ABCA13: variants seen among roughly 807,000 people sequenced by gnomAD.
The protein encoded by ABCA13 is ATP binding cassette subfamily A member 13.
In ABCA13, 476 loss-of-function variants were observed where a neutral mutation model predicts 478.7. The observed-to-expected ratio is 0.99, with a 90% CI of 0.92 to 1.07. The LOEUF (loss-of-function observed/expected upper bound fraction) is 1.07, where lower values mean the gene tolerates loss of function less well. ABCA13 is among the 50% of genes least tolerant of loss of function. ABCA13 has a pLI of 0.00. For missense variants in ABCA13, 6,060 were observed against 5,910.6 expected (o/e 1.03, Z -0.83); for synonymous variants, 2,252 against 2,158.9 (o/e 1.04, Z -1.20).
At chr7:48,196,482 C>T (rs1797950381) in intron 2 of ABCA13, among the ~76,000 whole-genome samples, 1 of 152,156 alleles carries the variant, frequency 6.6e-6, no homozygotes, top group South Asian at 2.1e-4. Context: ...TGAGCCTCTT[C>T]TCTATAAAGA....
In ABCA13 at chr7:48,274,982, C is replaced by T; in HGVS notation, c.5316C>T (p.Val1772=). 1 of 1,613,820 alleles carries T rather than the reference C, an allele frequency of 6.2e-7. No homozygotes were observed. Among genetic ancestry groups the T allele is most frequent in the Non-Finnish European group, 8.5e-7 (1 of 1,179,768 alleles). The part of the protein sequence containing the change: ...GKNITEGLKD[V]YSFTLLHGIT... ...ACATCACTGAAGGCCTCAAGGATGT[C>T]TACAGCTTCACACTCCTTCATGGCA... is the stretch of plus-strand genomic sequence containing the variant. The change falls in exon 17 of 62, where the codon GTC becomes GTT. Residue 1772 remains valine, a synonymous_variant. Coordinates refer to ENST00000435803, the MANE Select transcript of ABCA13 (RefSeq NM_152701.5).
intron 43 of ABCA13, among the ~76,000 whole-genome samples, chr7:48,465,621 G>A (rs4917020): frequency 0.19 from 28,595 of 150,070 alleles, 3,218 homozygotes; most frequent in African/African-American, 0.31. Flanking sequence ...TGATACATGC[G>A]TACGATGTAT....
At position 48,471,727 on chromosome 7, in the gene ABCA13, C is replaced by G. The variant is rs1827523519; in HGVS notation, c.12975+128C>G. The G allele has an allele frequency of 9.3e-6, 8 of 859,374 alleles. No individual in the cohort carries two copies. In the South Asian group the frequency reaches 1.3e-4, roughly 14 times the overall value. 53.2% of individuals were successfully genotyped at this position (859,374 alleles called of 1,614,324 possible). A position where few individuals can be genotyped will look rare whatever the true frequency, so the allele number is the denominator to read the frequency against. Reference sequence around the variant, plus strand: ...ATAACTTTTTGGTTTCCTGGATTAGCTGTTTCTGGGAAAAGTTTTGTCACA... The same window carrying G: ...ATAACTTTTTGGTTTCCTGGATTAGGTGTTTCTGGGAAAAGTTTTGTCACA... On this transcript the variant is annotated intron_variant, in intron 45 of 61. Coordinates refer to ENST00000435803, the MANE Select transcript of ABCA13 (RefSeq NM_152701.5).
intron 51 of ABCA13, among the ~76,000 whole-genome samples, chr7:48,512,114 A>G (rs1382869440): frequency 6.6e-6 from 1 of 151,930 alleles, no homozygotes; most frequent in African/African-American, 2.4e-5. Flanking sequence ...GGAAAGAGAC[A>G]CTAAGAGAGA....
intron 15 of ABCA13, among the ~76,000 whole-genome samples, chr7:48,255,684 C>A (rs1044877505): frequency 6.6e-6 from 1 of 152,062 alleles, no homozygotes. Flanking sequence ...AGTATATGTA[C>A]CACCTTTTCT....
chr7:48,280,042 C>G (rs1430940052), intron 18 of ABCA13, 122 bp downstream of exon 18: 1 of 1,107,058 alleles, frequency 9.0e-7, no homozygotes. Flanking sequence ...TTTGTTTACA[C>G]TCTGAAGTTG....
In ABCA13 at chr7:48,480,974, T is replaced by C. The variant is rs1408892664; in HGVS notation, c.12976-62T>C. 2.9e-6 allele frequency: 3 copies of C among 1,034,948 alleles called. No individual in the cohort carries two copies. The African/African-American group carries it at 4.8e-5, about 17-fold the overall frequency. 64.1% of individuals were successfully genotyped at this position (1,034,948 alleles called of 1,614,324 possible). On this transcript the variant is annotated intron_variant, in intron 45 of 61. Coordinates refer to ENST00000435803, the MANE Select transcript of ABCA13 (RefSeq NM_152701.5). ...CAATCACATGTAGTTTCAAGTAATG[T>C]CAGTGAACCAGTTTGTGAATTATAA...
Position 48,248,326 on chromosome 7 carries a change from A to G in ABCA13, c.1747A>G (p.Met583Val). 6.2e-7 allele frequency: 1 copy of G among 1,613,910 alleles called. No homozygotes were observed. Among genetic ancestry groups the G allele is most frequent in the Non-Finnish European group, 8.5e-7 (1 of 1,179,802 alleles). ...EEYLDWQELE[M>V]QLSEASLSCT... The stretch of plus-strand genomic sequence containing the variant: ...ATATTTGGACTGGCAGGAACTTGAG[A>G]TGCAGCTGTCAGAAGCAAGCCTTTC... The change falls in exon 14 of 62, where the codon ATG (methionine) becomes GTG (valine). Residue 583 changes from methionine (M) to valine (V), a missense_variant. By Grantham distance (21) the Met-to-Val change is conservative (BLOSUM62 1). Around this residue, in one of 3 missense-constraint regions of ABCA13, gnomAD observed 4,423 missense variants for 4,309.1 expected, o/e 1.03. Transcript: ENST00000435803.
At chr7:48,330,062 CATCCATCCATCCATTCATCCATCCATCT>C (rs1805035687) in intron 27 of ABCA13, among the ~76,000 whole-genome samples, 1 of 151,348 alleles carries the variant, frequency 6.6e-6, no homozygotes, top group Non-Finnish European at 1.5e-5. Context: ...TCCATCCATC[CATCCATCCATCCATTCATCCATCCATCT>C]ATCCATCCAT....
intron 42 of ABCA13, among the ~76,000 whole-genome samples, chr7:48,439,416 A>G (rs1310897129): frequency 6.6e-6 from 1 of 152,172 alleles, no homozygotes; most frequent in Non-Finnish European, 1.5e-5. Flanking sequence ...CTTACATATA[A>G]AAGTTATTAA....
rs1812767512 is a variant in ABCA13 at position 48,372,385 on chromosome 7, A to G, written c.11021A>G (p.Gln3674Arg). ...LSYLLSAFFS[Q>R]ANTAALCTSL... is the part of the protein sequence containing the mutation. ...TACCTCTTGAGTGCATTTTTCAGCC[A>G]AGCTAATACAGCGGCCCTTTGTACC... The change falls in exon 33 of 62, where the codon CAA becomes CGA. Residue 3674 changes from glutamine to arginine, a missense_variant. Coordinates refer to ENST00000435803, the MANE Select transcript of ABCA13 (RefSeq NM_152701.5). 4 of 1,613,970 alleles carry G rather than the reference A, an allele frequency of 2.5e-6. No individual in the cohort carries two copies. Among genetic ancestry groups the G allele is most frequent in the Non-Finnish European group, 2.5e-6 (3 of 1,179,852 alleles).
Position 48,443,768 on chromosome 7 carries a change from C to T in ABCA13, c.12566-11269C>T, listed in dbSNP as rs184520608. Among the ~76,000 whole-genome samples the T allele has an allele frequency of 3.5e-3, 527 of 152,282 alleles. 3 individuals are homozygous for T. Among genetic ancestry groups the T allele is most frequent in the African/African-American group, 0.012 (484 of 41,552 alleles). ...CCTCTCCTCGTGCCTCCGGTTCCTCCTCCTCCCACTCCCATTGGAGGAGGG... is the reference window on the plus strand; with the variant it reads ...CCTCTCCTCGTGCCTCCGGTTCCTCTTCCTCCCACTCCCATTGGAGGAGGG... On this transcript the variant is annotated intron_variant, in intron 42 of 61. Coordinates refer to ENST00000435803, the MANE Select transcript of ABCA13 (RefSeq NM_152701.5).
At chr7:48,387,120 G>C (rs1016578812) in intron 35 of ABCA13, among the ~76,000 whole-genome samples, 1 of 151,798 alleles carries the variant, frequency 6.6e-6, no homozygotes, top group South Asian at 2.1e-4. Flanking sequence ...TGCTATAATA[G>C]TCTTTATATC....
intron 58 of ABCA13, among the ~76,000 whole-genome samples, chr7:48,612,888 C>T (rs775357922): frequency 6.6e-6 from 1 of 151,406 alleles, no homozygotes; most frequent in African/African-American, 2.4e-5. Flanking sequence ...TATTTGAGAA[C>T]TCATTGTTTT....
At chr7:48,227,975 TG>T (rs1253995792) in intron 6 of ABCA13, among the ~76,000 whole-genome samples, 1 of 152,230 alleles carries the variant, frequency 6.6e-6, no homozygotes, top group Non-Finnish European at 1.5e-5. Flanking sequence ...CCATGTTACC[TG>T]GGGTGACCTT....
intron 55 of ABCA13, among the ~76,000 whole-genome samples, chr7:48,555,836 A>AT (rs1394748667): frequency 2.0e-5 from 3 of 149,092 alleles, no homozygotes; most frequent in Non-Finnish European, 3.0e-5. Flanking sequence ...ATCTTTATTT[A>AT]TTTTTTACCA....
chr7:48,540,513 G>T (rs191927575), intron 55 of ABCA13, among the ~76,000 whole-genome samples: 3 of 152,130 alleles, frequency 2.0e-5, no homozygotes, highest in African/African-American at 7.2e-5. Flanking sequence ...GGTATTCAAA[G>T]AATTAAATAG....
At chr7:48,318,976 AG>A (rs1802998228) in intron 27 of ABCA13, among the ~76,000 whole-genome samples, 1 of 152,214 alleles carries the variant, frequency 6.6e-6, no homozygotes, top group Non-Finnish European at 1.5e-5. Context: ...ATTGTGGGGA[AG>A]AGAAGGCAAA....
At chr7:48,453,386 A>G (rs1163704577) in intron 42 of ABCA13, among the ~76,000 whole-genome samples, 2 of 152,232 alleles carry the variant, frequency 1.3e-5, no homozygotes, top group African/African-American at 4.8e-5. Context: ...TTAAATACTA[A>G]TTTGCCTTAT....
Sources: gnomAD v4.1 joint callset for allele counts (sites outside exome capture counted in the v4.1 genomes callset) on GRCh38, gnomAD v4.1.1 for gene constraint, gnomAD v4.1.1 regional missense constraint, MANE v1.5 for transcripts, NCBI Gene and HGNC (gene_info 2026-07-23, HGNC 2026-07-21) for gene names.